The following SYT8 variants were observed in gnomAD, a reference collection of about 807,000 sequenced individuals.
SYT8 encodes the protein synaptotagmin 8.
In SYT8, 50 loss-of-function variants were observed where a neutral mutation model predicts 34.9. The observed-to-expected ratio is 1.43, with a 90% confidence interval of 1.14 to 1.81. The LOEUF is 1.81. Ranked by LOEUF, SYT8 falls within the 40% of genes most tolerant of loss-of-function variation. The pLI is 0.00. For synonymous variants in SYT8, 255 were observed against 234.2 expected (o/e 1.09, Z -0.81); for missense variants, 595 against 529.0 (o/e 1.12, Z -1.22).
At position 1,835,296 on chromosome 11, in the gene SYT8, G is replaced by C; in HGVS notation, c.95G>C (p.Trp32Ser). The C allele has an allele frequency of 1.3e-6, 2 of 1,598,558 alleles. No individual in the cohort carries two copies. Among genetic ancestry groups the C allele is most frequent in the Non-Finnish European group, 1.7e-6 (2 of 1,170,792 alleles). ...GCACTCAGCCTGGCCTCTACCCCAG[G>C]GCCCCGCTGGGCTCTCATTGCCGGC... Reference protein sequence around the residue: ...LIPDLVAGTPWPRWALIAGAL... With the variant: ...LIPDLVAGTPSPRWALIAGAL... The change falls in exon 2 of 8, where the codon TGG (tryptophan) becomes TCG (serine). Residue 32 changes from tryptophan to serine, a missense_variant and splice_region_variant. Trp to Ser is a radical substitution (Grantham distance 177). Transcript: ENST00000341958.
chr11:1,836,002 G>A lies in SYT8; in HGVS notation c.357+18G>A, dbSNP rs769853498. The A allele has an allele frequency of 3.1e-5, 49 of 1,601,006 alleles. No homozygotes were observed. Among genetic ancestry groups the A allele is most frequent in the Admixed American group, 5.3e-5 (3 of 56,256 alleles). ...GCCAGGAGGTGAAGGGCCCCGCTGC[G>A]CAGGACCAGCGGTTCTGCGAGTTTC... is the stretch of plus-strand genomic sequence containing the variant. On this transcript the variant is annotated intron_variant, in intron 3 of 7. Transcript: ENST00000341958.
At chr11:1,836,368 G>T in intron 4 of SYT8, 57 bp from the exon 5 acceptor site, 1 of 1,497,546 alleles carries the variant, frequency 6.7e-7, no homozygotes, top group African/African-American at 1.4e-5. Flanking sequence ...GGTGGGCCTG[G>T]GCAGCTGGGT....
upstream of SYT8, among the ~76,000 whole-genome samples, chr11:1,832,753 G>A (rs1846714031): frequency 2.0e-5 from 3 of 152,206 alleles, no homozygotes; most frequent in South Asian, 6.2e-4. Flanking sequence ...GGGTTCTCCG[G>A]AGCAGCTTCT....
At chr11:1,833,644 C>A (rs374825784), upstream of SYT8, 1 of 152,306 alleles carries the variant, frequency 6.6e-6, no homozygotes, top group South Asian at 2.1e-4. Flanking sequence ...AAACACCTGG[C>A]CTGCTGACCT....
At chr11:1,832,666 C>T (rs554658297), upstream of SYT8, among the ~76,000 whole-genome samples, 537 of 152,212 alleles carry the variant, frequency 3.5e-3, 3 homozygotes, top group African/African-American at 0.012. Flanking sequence ...CCTGGGGTCC[C>T]GGCGGTCCGG....
In SYT8 at chr11:1,836,761, G is replaced by A. The variant is rs1457319025; in HGVS notation, c.690G>A (p.Glu230=). 7 of 1,608,982 alleles carry A rather than the reference G, an allele frequency of 4.4e-6. No individual in the cohort carries two copies. In the African/African-American group the frequency reaches 9.3e-5, roughly 21 times the overall value. The stretch of plus-strand genomic sequence containing the variant: ...GCCCCTCTTGCTGCCCACAGCCCGA[G>A]CAGGTCGGGGAGCTGTGCTTCTCTC... ...LLGPPAATQP[E]QVGELCFSLR... Residue 230 remains glutamate, a synonymous_variant, in exon 6 of 8, where the codon GAG becomes GAA. Transcript: ENST00000341958.
At chr11:1,834,849 G>A (rs1192405585), upstream of SYT8, 3 of 632,400 alleles carry the variant, frequency 4.7e-6, no homozygotes, top group African/African-American at 1.8e-5. The surrounding 1 kb of genome is among the most constrained non-coding windows in gnomAD (Gnocchi z 4.5). Flanking sequence ...TGGGGCTGGG[G>A]GCTGCTGGGA....
rs184966538 is a variant in SYT8 at position 1,836,838 on chromosome 11, G to A, written c.767G>A (p.Arg256Gln). The A allele has an allele frequency of 1.8e-5, 29 of 1,611,650 alleles. No individual in the cohort carries two copies. The highest frequency in any genetic ancestry group is 1.6e-4 in the African/African-American group (12 of 75,056). The change falls in exon 6 of 8, where the codon CGA (arginine) becomes CAA (glutamine). Residue 256 changes from arginine (R) to glutamine (Q), a missense_variant. Transcript: ENST00000341958. ...CTGACCGTGGTGGTGCTGGAGGCTC[G>A]AGGCCTGCGTCCAGGACTTGCAGGT... ...GRLTVVVLEARGLRPGLAEPY... is the reference protein window; with the variant it reads ...GRLTVVVLEAQGLRPGLAEPY...
rs1333119473 is a variant in SYT8, at chr11:1,836,160, G to A, written c.392G>A (p.Arg131Lys). The part of the protein sequence containing the change: ...RVGLRQAADL[R>K]PGGTVDPYAR... ...GGCCTGAGGCAGGCAGCCGACCTGA[G>A]GCCTGGGGGCACCGTGGACCCCTAT... Residue 131 changes from arginine to lysine, a missense_variant, in exon 4 of 8, where the codon AGG becomes AAG. Coordinates refer to ENST00000341958, the MANE Select transcript of SYT8 (RefSeq NM_001394072.1). The A allele has an allele frequency of 1.3e-6, 2 of 1,519,620 alleles. No homozygotes were observed. The highest frequency in any genetic ancestry group is 1.4e-5 in the African/African-American group (1 of 71,824). The allele number at this position is 1,519,620 out of a possible 1,614,324, so 94.1% of individuals were successfully genotyped here.
Position 1,837,327 on chromosome 11 carries a change from C to G in SYT8, c.1060C>G (p.Arg354Gly). The change falls in exon 8 of 8, where the codon CGG (arginine) becomes GGG (glycine). Residue 354 changes from arginine (R) to glycine (G), a missense_variant. By Grantham distance (125) the Arg-to-Gly change is moderately radical. Transcript: ENST00000341958. ...HWADMLAHARRPIAQRHPLRP... is the reference protein window; with the variant it reads ...HWADMLAHARGPIAQRHPLRP... Reference sequence around the variant, plus strand: ...GGCAGACATGCTGGCCCACGCCCGGCGGCCCATTGCCCAGCGGCACCCCCT... The same window carrying G: ...GGCAGACATGCTGGCCCACGCCCGGGGGCCCATTGCCCAGCGGCACCCCCT... The G allele has an allele frequency of 6.3e-7, 1 of 1,590,738 alleles. No homozygotes were observed. Among genetic ancestry groups the G allele is most frequent in the Non-Finnish European group, 8.5e-7 (1 of 1,173,286 alleles).
chr11:1,835,259 C>A, intron 1 of SYT8, 37 bp from the exon 2 acceptor site: 1 of 1,604,950 alleles, frequency 6.2e-7, no homozygotes, highest in Non-Finnish European at 8.5e-7. Context: ...GGGGCTGCAG[C>A]TGTCCACAGA....
chr11:1,835,114 C>A lies in SYT8; in HGVS notation c.9C>A (p.His3Gln), dbSNP rs57344881. Residue 3 changes from histidine (H) to glutamine (Q), a missense_variant, in exon 1 of 8, where the codon CAC becomes CAA. Physicochemically the swap from His to Gln is conservative, Grantham distance 24. Transcript: ENST00000341958. The part of the protein sequence containing the change: MG[H>Q]PPVSPSAPAP... Reference sequence around the variant, plus strand: ...ACCAGCAGGGTAGAAAGATGGGGCACCCACCAGTCTCTCCCAGTGCCCCGG... The same window carrying A: ...ACCAGCAGGGTAGAAAGATGGGGCAACCACCAGTCTCTCCCAGTGCCCCGG... 84,740 of 1,613,060 alleles carry A rather than the reference C, an allele frequency of 0.053. 5,003 individuals are homozygous for A. The highest frequency in any genetic ancestry group is 0.3 in the African/African-American group (22,251 of 74,998).
At position 1,835,888 on chromosome 11, in the gene SYT8, G is replaced by A. The variant is rs1480604833; in HGVS notation, c.261G>A (p.Val87=). Reference sequence around the variant, plus strand: ...CCCCTTGTCCCAACTCACTCCAGGTGCAACCTGATGTGGATGGCCTGGAGT... The same window carrying A: ...CCCCTTGTCCCAACTCACTCCAGGTACAACCTGATGTGGATGGCCTGGAGT... ...SARGTTTTHL[V]QPDVDGLESS... The change falls in exon 3 of 8, where the codon GTG becomes GTA. Residue 87 remains valine (V), a splice_region_variant and synonymous_variant. Transcript: ENST00000341958. 2 of 1,612,038 alleles carry A rather than the reference G, an allele frequency of 1.2e-6. No homozygotes were observed. The highest frequency in any genetic ancestry group is 1.3e-5 in the African/African-American group (1 of 75,012).
At chr11:1,831,945 A>G, upstream of SYT8, 1 of 357,720 alleles carries the variant, frequency 2.8e-6, no homozygotes, top group Non-Finnish European at 5.6e-6. Context: ...ACTCGGGGAA[A>G]CGTTGCTTTT....
chr11:1,837,160 C>A (rs750219576), intron 7 of SYT8, 32 bp from the exon 8 acceptor site: 4 of 1,590,494 alleles, frequency 2.5e-6, no homozygotes, highest in Admixed American at 3.4e-5. Context: ...TCTTTCTCCC[C>A]CAACTCCAAC....
chr11:1,837,157 C>T (rs757255591), intron 7 of SYT8, 35 bp from the exon 8 acceptor site: 4 of 1,592,462 alleles, frequency 2.5e-6, no homozygotes, highest in Non-Finnish European at 2.6e-6. Context: ...TGGTCTTTCT[C>T]CCCCAACTCC....
At chr11:1,834,260 G>A, upstream of SYT8, 3 of 499,066 alleles carry the variant, frequency 6.0e-6, no homozygotes, top group South Asian at 6.4e-5. The surrounding 1 kb of genome is among the most constrained non-coding windows in gnomAD (Gnocchi z 4.5). Context: ...CGGGTACAGG[G>A]GCCAGCAGCT....
chr11:1,835,525 G>T (rs750530388), intron 2 of SYT8, 66 bp downstream of exon 2: 5 of 1,575,310 alleles, frequency 3.2e-6, no homozygotes, highest in Non-Finnish European at 3.4e-6. Context: ...AGAGCCCAGG[G>T]CAGCGAGGCG....
intron 4 of SYT8, 42 bp downstream of exon 4, chr11:1,836,326 A>ATGGGCCTGGGCTGGG: frequency 7.8e-7 from 1 of 1,274,816 alleles, no homozygotes. Context: ...GGACGGCTGG[A>ATGGGCCTGGGCTGGG]TGGGCCTGGG....
Sources: allele counts gnomAD v4.1 joint callset (sites outside exome capture counted in the v4.1 genomes callset), GRCh38; gene constraint gnomAD v4.1.1; non-coding constraint Gnocchi (gnomAD v3.1); transcripts MANE v1.5; gene names NCBI Gene and HGNC (gene_info 2026-07-23, HGNC 2026-07-21).